AACS: variants seen among roughly 807,000 people sequenced by gnomAD.
AACS encodes acetoacetyl-CoA synthetase.
In AACS, 69 loss-of-function variants were observed where a neutral mutation model predicts 83.1. The ratio of observed to expected loss-of-function variants is 0.83; its 90% CI spans 0.68 to 1.01. AACS has a LOEUF of 1.01. Among genes scored for constraint, AACS ranks in the 50% least tolerant of loss-of-function variants. The pLI is 0.00. For missense variants in AACS, 866 were observed against 882.2 expected, an observed-to-expected ratio of 0.98 and a Z score of 0.23; for synonymous variants, 333 against 343.4, an observed-to-expected ratio of 0.97 and a Z score of 0.33.
At chr12:125,104,110 C>G (rs184197253) in intron 7 of AACS, among the ~76,000 whole-genome samples, 20 of 147,856 alleles carry the variant, frequency 1.4e-4, no homozygotes, top group African/African-American at 4.9e-4. Flanking sequence ...TGGAGTTATA[C>G]CTTCCTTTAA....
chr12:125,126,643 A>T (rs1957249473), intron 12 of AACS: 1 of 150,472 alleles, frequency 6.6e-6, no homozygotes. Context: ...GCACACTGAC[A>T]CGATCATGGC....
At chr12:125,118,841 T>C in intron 10 of AACS, 76 bp downstream of exon 10, 1 of 1,568,262 alleles carries the variant, frequency 6.4e-7, no homozygotes, top group Non-Finnish European at 8.7e-7. Flanking sequence ...GATGCAGAGC[T>C]GTGCCTGCCT....
rs757473879 is a variant in AACS at position 125,136,851 on chromosome 12, C to T, written c.1868C>T (p.Thr623Ile). The change falls in exon 17 of 18, where the codon ACC becomes ATC. Residue 623 changes from threonine (T) to isoleucine (I), a missense_variant. Physicochemically the swap from Thr to Ile is moderately conservative, Grantham distance 89. Transcript: ENST00000316519. The part of the protein sequence containing the change: ...ARHVPSLILE[T>I]KGIPYTLNGK... ...CACGTGCCCAGCCTCATCCTGGAAA[C>T]CAAGGGCATCCCGGTATGGCCATCT... 48 of 1,613,308 alleles carry T rather than the reference C, an allele frequency of 3.0e-5. 1 individual carries two copies. In the South Asian group the frequency reaches 5.3e-4, roughly 18 times the overall value.
At chr12:125,068,651 G>A (rs527436548) in intron 1 of AACS, among the ~76,000 whole-genome samples, 7 of 152,088 alleles carry the variant, frequency 4.6e-5, no homozygotes, top group Admixed American at 2.6e-4. Flanking sequence ...CACTCTTGAA[G>A]GTGATTTCCA....
At chr12:125,066,541 C>T (rs1193020346) in intron 1 of AACS, among the ~76,000 whole-genome samples, 1 of 151,332 alleles carries the variant, frequency 6.6e-6, no homozygotes, top group African/African-American at 2.4e-5. Context: ...CCTCCGCCTC[C>T]CGGGTTCAAG....
chr12:125,069,812 G>A (rs1046209169), intron 1 of AACS, among the ~76,000 whole-genome samples: 2 of 152,234 alleles, frequency 1.3e-5, no homozygotes, highest in African/African-American at 4.8e-5. Flanking sequence ...TTCTCAAATA[G>A]CTCCGGGTGG....
Position 125,142,154 on chromosome 12 carries a change from G to A in AACS, c.1944G>A (p.Val648=). 6.2e-7 allele frequency: 1 copy of A among 1,614,190 alleles called. No homozygotes were observed. The highest frequency in any genetic ancestry group is 8.5e-7 in the Non-Finnish European group (1 of 1,180,046). Reference sequence around the variant, plus strand: ...AACAGATCATCGCTGGAAAAGCCGTGGAGCAAGGAGGTGCTTTCTCGAACC... The same window carrying A: ...AACAGATCATCGCTGGAAAAGCCGTAGAGCAAGGAGGTGCTTTCTCGAACC... The part of the protein sequence containing the change: ...AVKQIIAGKA[V]EQGGAFSNPE... Residue 648 remains valine, a synonymous_variant, in exon 18 of 18, where the codon GTG becomes GTA. Coordinates refer to ENST00000316519, the MANE Select transcript of AACS (RefSeq NM_023928.5).
At chr12:125,108,327 T>C (rs1206637489) in intron 8 of AACS, among the ~76,000 whole-genome samples, 1 of 152,208 alleles carries the variant, frequency 6.6e-6, no homozygotes, top group African/African-American at 2.4e-5. Flanking sequence ...GCCTTCTTGC[T>C]CTGTCCTCGT....
intron 12 of AACS, chr12:125,127,355 A>G (rs1390255746): frequency 2.0e-5 from 3 of 152,248 alleles, no homozygotes; most frequent in Non-Finnish European, 4.4e-5. Flanking sequence ...GTGACATGAA[A>G]TGGCAGAGAA....
chr12:125,095,309 T>C (rs1273386812), intron 5 of AACS, among the ~76,000 whole-genome samples: 2 of 152,186 alleles, frequency 1.3e-5, no homozygotes, highest in South Asian at 2.1e-4. Context: ...AGTCTTTTCA[T>C]GGGGCTAGGG....
At chr12:125,104,604 G>A (rs1359708490) in intron 7 of AACS, among the ~76,000 whole-genome samples, 1 of 152,172 alleles carries the variant, frequency 6.6e-6, no homozygotes, top group African/African-American at 2.4e-5. Context: ...GTATGAGCAG[G>A]GTCTGGGGAC....
In AACS at chr12:125,142,281, T is replaced by A. The variant is rs1466100733; in HGVS notation, c.*52T>A. 6.3e-7 allele frequency: 1 copy of A among 1,592,426 alleles called. No individual in the cohort carries two copies. Among genetic ancestry groups the A allele is most frequent in the African/African-American group, 1.4e-5 (1 of 73,880 alleles). On this transcript the variant is annotated 3_prime_UTR_variant, in exon 18 of 18. Coordinates refer to ENST00000316519, the MANE Select transcript of AACS (RefSeq NM_023928.5). Reference sequence around the variant, plus strand: ...CCGCACCCGTGTGCACTGTAACTTTTGTGTGCTCAAGAAATTATACAGAAA... The same window carrying A: ...CCGCACCCGTGTGCACTGTAACTTTAGTGTGCTCAAGAAATTATACAGAAA...
intron 3 of AACS, among the ~76,000 whole-genome samples, chr12:125,085,942 A>G (rs970896691): frequency 6.6e-6 from 1 of 152,020 alleles, no homozygotes; most frequent in Non-Finnish European, 1.5e-5. Flanking sequence ...GACGTGTGCC[A>G]CTATGCCTGG....
At position 125,130,267 on chromosome 12, in the gene AACS, C is replaced by T. The variant is rs1957312127; in HGVS notation, c.1549+807C>T. 6.6e-6 allele frequency among the ~76,000 whole-genome samples: 1 copy of T among 152,246 alleles called. No individual in the cohort carries two copies. The highest frequency in any genetic ancestry group is 2.4e-5 in the African/African-American group (1 of 41,462). ...GCGTGTTTGCGTTTCACCGTTAAAGCCATTGTGCCTGGAATAGTGCCTTCC... is the reference window on the plus strand; with the variant it reads ...GCGTGTTTGCGTTTCACCGTTAAAGTCATTGTGCCTGGAATAGTGCCTTCC... On this transcript the variant is annotated intron_variant, in intron 14 of 17. Transcript: ENST00000316519. This position sits in a 1 kb window ranked among gnomAD's most constrained non-coding sequence, Gnocchi z 4.9.
chr12:125,073,896 C>T lies in AACS; in HGVS notation c.154C>T (p.His52Tyr). Residue 52 changes from histidine (H) to tyrosine (Y), a missense_variant, in exon 2 of 18, where the codon CAT becomes TAT. Transcript: ENST00000316519. ...TTTAGAGAGTTATGATGACTTGTAC[C>T]ATTGGTCCGTTGAGTCATATTCAGA... is the stretch of plus-strand genomic sequence containing the variant. ...LALESYDDLY[H>Y]WSVESYSDFW... 1 of 1,613,572 alleles carries T rather than the reference C, an allele frequency of 6.2e-7. No homozygotes were observed. The highest frequency in any genetic ancestry group is 8.5e-7 in the Non-Finnish European group (1 of 1,179,710).
intron 1 of AACS, among the ~76,000 whole-genome samples, chr12:125,068,860 G>A (rs1955778056): frequency 1.4e-5 from 2 of 142,774 alleles, no homozygotes; most frequent in Middle Eastern, 3.6e-3. Flanking sequence ...TTTTTTTTGA[G>A]ATGGAGTCTC....
intron 4 of AACS, among the ~76,000 whole-genome samples, chr12:125,088,443 G>T (rs1039550995): frequency 1.3e-5 from 2 of 151,994 alleles, no homozygotes; most frequent in African/African-American, 4.8e-5. Flanking sequence ...ATGTTGTCCA[G>T]GCTGGTCTCA....
rs527285022 is a variant in AACS at position 125,093,961 on chromosome 12, A to G, written c.570+2438A>G. 3.3e-5 allele frequency among the ~76,000 whole-genome samples: 5 copies of G among 152,238 alleles called. No homozygotes were observed. In the East Asian group the frequency reaches 9.7e-4, roughly 29 times the overall value. On this transcript the variant is annotated intron_variant, in intron 5 of 17. Transcript: ENST00000316519. The stretch of plus-strand genomic sequence containing the variant: ...GCGTGGGAGGGCCTGCGTGGATGCC[A>G]TGTTCATAGCGCTTGGTCCCACAGA...
At chr12:125,072,636 C>T (rs1955901315) in intron 1 of AACS, among the ~76,000 whole-genome samples, 1 of 152,182 alleles carries the variant, frequency 6.6e-6, no homozygotes, top group African/African-American at 2.4e-5. Flanking sequence ...ATTCTCCTGT[C>T]CCTAAGGACT....
Sources: gnomAD v4.1 joint callset for allele counts (sites outside exome capture counted in the v4.1 genomes callset) on GRCh38, gnomAD v4.1.1 for gene constraint, Gnocchi (gnomAD v3.1) non-coding constraint, MANE v1.5 for transcripts, NCBI Gene and HGNC (gene_info 2026-07-23, HGNC 2026-07-21) for gene names.